MYO3A: variants seen among roughly 807,000 people sequenced by gnomAD.
MYO3A encodes myosin IIIA, also known as myosin-IIIa.
A neutral mutation model predicts 192.7 loss-of-function variants in MYO3A; 180 were observed. The ratio of observed to expected loss-of-function variants is 0.93; its 90% CI spans 0.83 to 1.06. MYO3A has a LOEUF of 1.06. Ranked by LOEUF, MYO3A falls within the 50% of genes least tolerant of loss-of-function variation. MYO3A has a pLI of 0.00. For missense variants in MYO3A, 1,896 were observed against 1,905.0 expected (o/e 1.00, Z 0.09); for synonymous variants, 628 against 645.3 (o/e 0.97, Z 0.41).
intron 20 of MYO3A, among the ~76,000 whole-genome samples, chr10:26,134,116 G>A (rs1304019859): frequency 6.6e-6 from 1 of 152,084 alleles, no homozygotes; most frequent in African/African-American, 2.4e-5. Flanking sequence ...TTTCATCTTA[G>A]CATGCATTAG....
intron 6 of MYO3A, among the ~76,000 whole-genome samples, chr10:26,004,547 A>G (rs1043739278): frequency 1.3e-5 from 2 of 152,136 alleles, no homozygotes; most frequent in African/African-American, 4.8e-5. Context: ...GAGCACATCT[A>G]GCACCTAGCT....
At chr10:25,972,119 A>G (rs977225082) in intron 4 of MYO3A, among the ~76,000 whole-genome samples, 1 of 152,120 alleles carries the variant, frequency 6.6e-6, no homozygotes, top group Non-Finnish European at 1.5e-5. Flanking sequence ...CTGTCATTAC[A>G]TGTATGCTTA....
rs193169713 is a variant in MYO3A, at chr10:26,162,841, G to A, written c.3000-3226G>A. 3.9e-5 allele frequency among the ~76,000 whole-genome samples: 6 copies of A among 152,274 alleles called. No homozygotes were observed. The East Asian group carries it at 7.7e-4, about 20-fold the overall frequency. On this transcript the variant is annotated intron_variant, in intron 26 of 34. Transcript: ENST00000642920. ...CAGCCTTGAGCCTTAAGTGTGCAGC[G>A]GACCTCAGTTGGTGCGTTTTGCATA...
At chr10:26,169,187 G>T (rs1841918581) in intron 28 of MYO3A, among the ~76,000 whole-genome samples, 1 of 152,030 alleles carries the variant, frequency 6.6e-6, no homozygotes, top group Non-Finnish European at 1.5e-5. Flanking sequence ...ATAGCTCATT[G>T]GACAATAAGA....
chr10:26,004,431 CTG>C (rs1390991214), intron 6 of MYO3A, among the ~76,000 whole-genome samples: 1 of 151,176 alleles, frequency 6.6e-6, no homozygotes, highest in African/African-American at 2.4e-5. Flanking sequence ...TATTTAATAT[CTG>C]TTTATATTAA....
chr10:26,054,212 C>T (rs1844184454), intron 10 of MYO3A, among the ~76,000 whole-genome samples: 1 of 152,114 alleles, frequency 6.6e-6, no homozygotes, highest in Admixed American at 6.5e-5. Flanking sequence ...AGATCATTCT[C>T]ACTATATGCA....
intron 4 of MYO3A, among the ~76,000 whole-genome samples, chr10:25,979,492 C>A (rs1182896818): frequency 7.5e-6 from 1 of 132,766 alleles, no homozygotes; most frequent in Non-Finnish European, 1.6e-5. Flanking sequence ...CCCAAGTGTA[C>A]TTCTGTGTTC....
intron 10 of MYO3A, among the ~76,000 whole-genome samples, chr10:26,041,041 C>T (rs1406375848): frequency 6.6e-6 from 1 of 151,958 alleles, no homozygotes; most frequent in Non-Finnish European, 1.5e-5. Context: ...CTATTTAGCT[C>T]TAATATTTGC....
intron 24 of MYO3A, among the ~76,000 whole-genome samples, chr10:26,154,160 T>TG (rs926844389): frequency 3.3e-5 from 5 of 152,210 alleles, no homozygotes; most frequent in South Asian, 4.1e-4. Context: ...AGCTAGTTTT[T>TG]GGGGGGCAGT....
intron 32 of MYO3A, among the ~76,000 whole-genome samples, chr10:26,198,219 C>G (rs944530355): frequency 6.6e-6 from 1 of 152,130 alleles, no homozygotes; most frequent in African/African-American, 2.4e-5. Context: ...AGTATTGCCT[C>G]TTTCCTATGA....
intron 10 of MYO3A, among the ~76,000 whole-genome samples, chr10:26,038,478 C>A (rs896606679): frequency 5.3e-5 from 8 of 152,076 alleles, no homozygotes; most frequent in African/African-American, 1.4e-4. Flanking sequence ...GTGTTACTTT[C>A]TTGATTCCTT....
chr10:26,095,061 T>C (rs1836931800), intron 15 of MYO3A, among the ~76,000 whole-genome samples: 1 of 152,136 alleles, frequency 6.6e-6, no homozygotes, highest in Admixed American at 6.5e-5. Context: ...GGATGCAGGC[T>C]GCTCCGGAAG....
chr10:26,176,068 G>A (rs1842312045), intron 30 of MYO3A, among the ~76,000 whole-genome samples: 1 of 152,186 alleles, frequency 6.6e-6, no homozygotes, highest in Non-Finnish European at 1.5e-5. Flanking sequence ...GCTGAGGCGG[G>A]CGGATCACGA....
At chr10:26,068,348 A>C (rs1343564940) in intron 11 of MYO3A, among the ~76,000 whole-genome samples, 1 of 152,192 alleles carries the variant, frequency 6.6e-6, no homozygotes, top group African/African-American at 2.4e-5. Context: ...AGTCTGAAAA[A>C]ATAAAAGGAC....
intron 17 of MYO3A, among the ~76,000 whole-genome samples, chr10:26,099,413 G>C (rs1372644096): frequency 1.3e-5 from 2 of 152,112 alleles, no homozygotes; most frequent in Non-Finnish European, 2.9e-5. Context: ...TCCTTCTCCT[G>C]CCTGATTGCC....
intron 21 of MYO3A, among the ~76,000 whole-genome samples, chr10:26,145,133 C>T (rs183945519): frequency 4.7e-5 from 7 of 149,686 alleles, no homozygotes; most frequent in East Asian, 2.0e-4. Context: ...GAGCCAAGAT[C>T]GCACCATTGC....
At chr10:26,056,741 G>A (rs34311739) in intron 10 of MYO3A, among the ~76,000 whole-genome samples, 71,891 of 151,994 alleles carry the variant, frequency 0.47, 17,851 homozygotes, top group Middle Eastern at 0.59. Context: ...AACTCCTCTA[G>A]TATTTATCTC....
At chr10:26,009,002 G>C (rs1186074854) in intron 6 of MYO3A, among the ~76,000 whole-genome samples, 1 of 151,876 alleles carries the variant, frequency 6.6e-6, no homozygotes, top group Admixed American at 6.6e-5. Context: ...TGATAGACTG[G>C]ATTAAGAAAA....
intron 17 of MYO3A, among the ~76,000 whole-genome samples, chr10:26,103,400 A>G (rs1343763634): frequency 2.6e-5 from 4 of 152,156 alleles, no homozygotes; most frequent in Non-Finnish European, 5.9e-5. Context: ...CTGTCTGACA[A>G]GCCCCAGTGA....
Sources: allele counts gnomAD v4.1 joint callset (sites outside exome capture counted in the v4.1 genomes callset), GRCh38; gene constraint gnomAD v4.1.1; transcripts MANE v1.5; gene names NCBI Gene and HGNC (gene_info 2026-07-23, HGNC 2026-07-21).